The following SCFD2 variants were observed in gnomAD, a reference collection of about 807,000 sequenced individuals.
SCFD2 encodes sec1 family domain containing 2.
In SCFD2, 54 loss-of-function variants were observed where a neutral mutation model predicts 58.9. That is an observed-to-expected ratio of 0.92 (90% CI 0.74 to 1.15). The LOEUF is 1.15. Ranked by LOEUF, SCFD2 falls within the 50% of genes most tolerant of loss-of-function variation. The pLI is 0.00. For missense variants in SCFD2, 805 were observed against 836.6 expected (o/e 0.96, Z 0.47); for synonymous variants, 321 against 335.9 (o/e 0.96, Z 0.49).
chr4:52,898,271 C>T (rs59486352), intron 7 of SCFD2, among the ~76,000 whole-genome samples: 24 of 152,316 alleles, frequency 1.6e-4, no homozygotes, highest in African/African-American at 5.3e-4. Context: ...ATCTTTCCTG[C>T]TATCTCTTGT....
Position 53,313,767 on chromosome 4 carries a change from C to G in SCFD2, c.1008-4G>C, listed in dbSNP as rs749949622. Reference sequence around the variant, plus strand: ...TAGGGCTTTGGCTGTGGTGTCACTGCAGGAAAATCACAAAAAGAGCTTTAG... The same window carrying G: ...TAGGGCTTTGGCTGTGGTGTCACTGGAGGAAAATCACAAAAAGAGCTTTAG... On this transcript the variant is annotated splice_region_variant and splice_polypyrimidine_tract_variant and intron_variant, in intron 2 of 8. Transcript: ENST00000401642. 6.2e-7 allele frequency: 1 copy of G among 1,613,624 alleles called. No homozygotes were observed. The highest frequency in any genetic ancestry group is 8.5e-7 in the Non-Finnish European group (1 of 1,179,722).
In SCFD2 at chr4:53,274,855, A is replaced by C. The variant is rs186110075; in HGVS notation, c.1136-854T>G. On this transcript the variant is annotated intron_variant, in intron 3 of 8. Transcript: ENST00000401642. ...GACATCGGATTCTCCCCACCAGGCA[A>C]AAAGGCAATGGGGCCAAACATAGAT... Among the ~76,000 whole-genome samples, 33 of 152,338 alleles carry C rather than the reference A, an allele frequency of 2.2e-4. No individual in the cohort carries two copies. In the East Asian group the frequency reaches 4.6e-3, roughly 21 times the overall value.
At chr4:53,199,867 C>T (rs1728172330) in intron 4 of SCFD2, among the ~76,000 whole-genome samples, 1 of 152,050 alleles carries the variant, frequency 6.6e-6, no homozygotes, top group Admixed American at 6.6e-5. Flanking sequence ...CTGGTAAGGG[C>T]TCTCTTCCTG....
chr4:52,991,087 T>C (rs1721602810), intron 5 of SCFD2, among the ~76,000 whole-genome samples: 1 of 152,176 alleles, frequency 6.6e-6, no homozygotes, highest in Non-Finnish European at 1.5e-5. Context: ...GAGGGTATTC[T>C]GCAGGCAGAA....
chr4:53,044,580 C>A (rs1722981525), intron 5 of SCFD2, among the ~76,000 whole-genome samples: 1 of 149,364 alleles, frequency 6.7e-6, no homozygotes, highest in African/African-American at 2.5e-5. Flanking sequence ...CTTTCCCCTT[C>A]CCATTCCCCT....
intron 5 of SCFD2, among the ~76,000 whole-genome samples, chr4:52,986,485 C>A (rs981833563): frequency 1.5e-4 from 22 of 141,960 alleles, no homozygotes; most frequent in Admixed American, 1.5e-3. Context: ...TTAGGATCTT[C>A]ATGAAATTTT....
chr4:53,331,945 A>G (rs1166763656), intron 2 of SCFD2, among the ~76,000 whole-genome samples: 3 of 152,216 alleles, frequency 2.0e-5, no homozygotes, highest in Non-Finnish European at 4.4e-5. Context: ...AATACAAACT[A>G]CCATCAGAGA....
intron 3 of SCFD2, among the ~76,000 whole-genome samples, chr4:53,284,212 G>A (rs1162582345): frequency 3.3e-5 from 5 of 150,202 alleles, no homozygotes; most frequent in Non-Finnish European, 7.4e-5. Flanking sequence ...ATGCTGGGTA[G>A]CCAAAAGTCT....
At chr4:53,133,862 A>G (rs1725863392) in intron 5 of SCFD2, among the ~76,000 whole-genome samples, 1 of 152,234 alleles carries the variant, frequency 6.6e-6, no homozygotes, top group Non-Finnish European at 1.5e-5. Flanking sequence ...CTACCTTCCC[A>G]ATGTCTTTAA....
chr4:53,324,914 T>C (rs933695879), intron 2 of SCFD2, among the ~76,000 whole-genome samples: 18 of 152,242 alleles, frequency 1.2e-4, no homozygotes, highest in African/African-American at 4.3e-4. Context: ...CAAATATTGA[T>C]ACTAATTAAC....
chr4:52,908,285 T>C (rs551985752), intron 6 of SCFD2, among the ~76,000 whole-genome samples: 45 of 152,294 alleles, frequency 3.0e-4, no homozygotes, highest in African/African-American at 1.1e-3. Flanking sequence ...CATGTTTAGG[T>C]TATATGGGGA....
chr4:53,190,093 A>G (rs547332450), intron 4 of SCFD2, among the ~76,000 whole-genome samples: 4 of 152,220 alleles, frequency 2.6e-5, no homozygotes, highest in Non-Finnish European at 5.9e-5. Flanking sequence ...GTCACATTCC[A>G]ATATTTAACT....
chr4:53,298,780 A>C (rs890033754), intron 3 of SCFD2, among the ~76,000 whole-genome samples: 2 of 152,156 alleles, frequency 1.3e-5, no homozygotes, highest in African/African-American at 4.8e-5. Flanking sequence ...CAGCATTTGC[A>C]GTTCACCAAT....
chr4:52,900,167 G>A (rs1037543366), intron 7 of SCFD2, among the ~76,000 whole-genome samples: 9 of 152,104 alleles, frequency 5.9e-5, no homozygotes, highest in South Asian at 4.1e-4. Context: ...GTCATTCTCC[G>A]TCCAGTTTTG....
At chr4:53,259,981 T>C (rs2149052704) in intron 4 of SCFD2, among the ~76,000 whole-genome samples, 1 of 151,614 alleles carries the variant, frequency 6.6e-6, no homozygotes, top group East Asian at 1.9e-4. Context: ...TTTGCAGCTA[T>C]TGTTAAGGGG....
intron 4 of SCFD2, among the ~76,000 whole-genome samples, chr4:53,216,211 A>C (rs148804867): frequency 1.3e-5 from 2 of 152,154 alleles, no homozygotes; most frequent in East Asian, 3.9e-4. Context: ...GAATTGTTTC[A>C]GAAGGAATGG....
At chr4:52,877,045 T>C (rs1718491005) in intron 8 of SCFD2, among the ~76,000 whole-genome samples, 1 of 152,178 alleles carries the variant, frequency 6.6e-6, no homozygotes, top group African/African-American at 2.4e-5. Context: ...GTGCTAAGTC[T>C]TCTCAGCAGG....
At chr4:53,195,539 T>C (rs910165656) in intron 4 of SCFD2, among the ~76,000 whole-genome samples, 28 of 152,306 alleles carry the variant, frequency 1.8e-4, no homozygotes, top group African/African-American at 6.7e-4. Context: ...ATTGTGTCCT[T>C]CAAATGCTTT....
chr4:53,236,048 A>C (rs1252738250), intron 4 of SCFD2, among the ~76,000 whole-genome samples: 1 of 152,138 alleles, frequency 6.6e-6, no homozygotes, highest in Non-Finnish European at 1.5e-5. Flanking sequence ...CGAAGTATTG[A>C]TTCTGGGTGT....
Sources: gnomAD v4.1 joint callset for allele counts (sites outside exome capture counted in the v4.1 genomes callset) on GRCh38, gnomAD v4.1.1 for gene constraint, MANE v1.5 for transcripts, NCBI Gene and HGNC (gene_info 2026-07-23, HGNC 2026-07-21) for gene names.